The following LTBP4 variants were observed in gnomAD, a reference collection of about 807,000 sequenced individuals.
LTBP4 encodes latent-transforming growth factor beta-binding protein 4.
A neutral mutation model predicts 180.2 loss-of-function variants in LTBP4; 93 were observed. The ratio of observed to expected loss-of-function variants is 0.52; its 90% confidence interval spans 0.44 to 0.61. The LOEUF (loss-of-function observed/expected upper bound fraction) is 0.61. Among genes scored for constraint, LTBP4 ranks in the 20% least tolerant of loss-of-function variants. LTBP4 has a pLI of 0.00. For missense variants in LTBP4, 2,116 were observed against 2,256.5 expected (o/e 0.94, Z 1.26); for synonymous variants, 947 against 934.5 (o/e 1.01, Z -0.24).
chr19:40,614,970 G>C (rs904395601), intron 19 of LTBP4, among the ~76,000 whole-genome samples: 1 of 152,070 alleles, frequency 6.6e-6, no homozygotes, highest in Non-Finnish European at 1.5e-5. Context: ...GCCCTTCCTT[G>C]GTCTCTCTAG....
chr19:40,602,637 G>A (rs888334008), intron 1 of LTBP4, among the ~76,000 whole-genome samples: 3 of 152,164 alleles, frequency 2.0e-5, no homozygotes, highest in East Asian at 1.9e-4. Flanking sequence ...TGTGCCAGGC[G>A]CCATGCCCAG....
chr19:40,604,439 A>C (rs544657147), intron 1 of LTBP4, among the ~76,000 whole-genome samples: 1 of 152,160 alleles, frequency 6.6e-6, no homozygotes, highest in Non-Finnish European at 1.5e-5. Context: ...GGGCTGGAAC[A>C]GCAAAGGGTT....
chr19:40,593,279 G>T, intron 1 of LTBP4: 1 of 1,458,824 alleles, frequency 6.9e-7, no homozygotes, highest in African/African-American at 1.4e-5. Context: ...GTCTTGCTTT[G>T]TTGCCCGGGC....
Position 40,605,849 on chromosome 19 carries a change from C to T in LTBP4, c.793+18C>T, listed in dbSNP as rs2081457419. 1.3e-6 allele frequency: 2 copies of T among 1,535,052 alleles called. No homozygotes were observed. Among genetic ancestry groups the T allele is most frequent in the Non-Finnish European group, 1.7e-6 (2 of 1,145,894 alleles). ...GCGCCTGGGTAAGCCCCAGGACGTC[C>T]CCGAAGTGCTCGGAGCTGGGGAGTG... On this transcript the variant is annotated intron_variant, in intron 4 of 29. Coordinates refer to ENST00000396819, the MANE Select transcript of LTBP4 (RefSeq NM_001042545.2). The surrounding 1 kb of genome is among the most constrained non-coding windows in gnomAD (Gnocchi z 5.5).
Position 40,611,933 on chromosome 19 carries a change from T to G in LTBP4, c.2128T>G (p.Cys710Gly), listed in dbSNP as rs2081509626. ...TGAGAACACAGAAGGCAGCTTCCAG[T>G]GTGTCTGCCCCATGGGCTTCCAACC... ...RCENTEGSFQCVCPMGFQPNT... is the reference protein window; with the variant it reads ...RCENTEGSFQGVCPMGFQPNT... Residue 710 changes from cysteine (C) to glycine (G), a missense_variant, in exon 14 of 30, where the codon TGT (cysteine) becomes GGT (glycine). By Grantham distance (159) the Cys-to-Gly change is radical. This residue lies in a region of LTBP4 where 877 missense variants were observed against 873.6 expected (regional missense o/e 1.00). Transcript: ENST00000396819. This position sits in a 1 kb window ranked among gnomAD's most constrained non-coding sequence, Gnocchi z 4.4. 6.2e-7 allele frequency: 1 copy of G among 1,610,578 alleles called. No individual in the cohort carries two copies. The highest frequency in any genetic ancestry group is 1.3e-5 in the African/African-American group (1 of 74,752).
intron 26 of LTBP4, among the ~76,000 whole-genome samples, chr19:40,625,294 A>T (rs1205084782): frequency 0.042 from 353 of 8,328 alleles, 57 homozygotes; most frequent in African/African-American, 0.083. Context: ...ATATATATAT[A>T]TATATATATA....
At position 40,611,394 on chromosome 19, in the gene LTBP4, G is replaced by A. The variant is rs34093919; in HGVS notation, c.2053G>A (p.Asp685Asn). ...RSRGPGAPCQ[D>N]VDECARSPPP... is the part of the protein sequence containing the mutation. ...CCGAGGGCCCGGGGCCCCCTGCCAAGGTGAGGGTGCTGAGCCCAGCCCTAC... is the reference window on the plus strand; with the variant it reads ...CCGAGGGCCCGGGGCCCCCTGCCAAAGTGAGGGTGCTGAGCCCAGCCCTAC... Residue 685 changes from aspartate to asparagine, a missense_variant and splice_region_variant, in exon 13 of 30, where the codon GAT becomes AAT. Around this residue, in one of 5 missense-constraint regions of LTBP4, gnomAD observed 877 missense variants for 873.6 expected, o/e 1.00. Transcript: ENST00000396819. This position sits in a 1 kb window ranked among gnomAD's most constrained non-coding sequence, Gnocchi z 4.4. The A allele has an allele frequency of 0.01, 16,128 of 1,603,676 alleles. 130 individuals carry two copies. The highest frequency in any genetic ancestry group is 0.012 in the Non-Finnish European group (14,089 of 1,177,246).
chr19:40,613,758 C>T lies in LTBP4; in HGVS notation c.2558-158C>T. The T allele has an allele frequency of 1.5e-6, 2 of 1,299,160 alleles. No individual in the cohort carries two copies. Among genetic ancestry groups the T allele is most frequent in the Middle Eastern group, 2.1e-4 (1 of 4,666 alleles). 80.5% of individuals were successfully genotyped at this position (1,299,160 alleles called of 1,614,324 possible). ...GTGATTGTAAAGAAGCTGTTCTAAA[C>T]CCGTCGGGGGGCGGTGTTTGCAGGG... On this transcript the variant is annotated intron_variant, in intron 17 of 29. Coordinates refer to ENST00000396819, the MANE Select transcript of LTBP4 (RefSeq NM_001042545.2). The surrounding 1 kb of genome is among the most constrained non-coding windows in gnomAD (Gnocchi z 5.0).
upstream of LTBP4, chr19:40,601,327 G>A: frequency 1.0e-6 from 1 of 980,476 alleles, no homozygotes; most frequent in Non-Finnish European, 1.2e-6. Context: ...GGGCGGGCGG[G>A]TGCGGCCGGG....
intron 22 of LTBP4, among the ~76,000 whole-genome samples, 180 bp downstream of exon 22, chr19:40,619,673 T>G (rs1159579269): frequency 2.0e-5 from 3 of 152,252 alleles, no homozygotes; most frequent in South Asian, 2.1e-4. Flanking sequence ...ACCCTGGTCC[T>G]GACTCTACCA....
chr19:40,621,232 C>T (rs1397810340), intron 22 of LTBP4, among the ~76,000 whole-genome samples: 2 of 151,930 alleles, frequency 1.3e-5, no homozygotes, highest in Non-Finnish European at 2.9e-5. Flanking sequence ...CGTGAGCCAC[C>T]ATGCTCGGCC....
In LTBP4 at chr19:40,609,408, T is replaced by C. The variant is rs2146026459; in HGVS notation, c.1427-122T>C. ...ATGGAGATCAGAAGAAGACTGGGCT[T>C]GCTTGGGGAGGAGACATCCATGAAG... On this transcript the variant is annotated intron_variant, in intron 9 of 29. Coordinates refer to ENST00000396819, the MANE Select transcript of LTBP4 (RefSeq NM_001042545.2). The surrounding 1 kb of genome is among the most constrained non-coding windows in gnomAD (Gnocchi z 4.9). The C allele has an allele frequency of 1.6e-6, 2 of 1,271,226 alleles. No individual in the cohort carries two copies. Among genetic ancestry groups the C allele is most frequent in the East Asian group, 4.7e-5 (2 of 42,498 alleles). The allele number at this position is 1,271,226 out of a possible 1,614,324, so 78.7% of individuals were successfully genotyped here. A position where few individuals can be genotyped will look rare whatever the true frequency, so the allele number is the denominator to read the frequency against.
chr19:40,629,633 G>A lies in LTBP4; in HGVS notation c.*83G>A. 1 of 1,266,508 alleles carries A rather than the reference G, an allele frequency of 7.9e-7. No homozygotes were observed. Among genetic ancestry groups the A allele is most frequent in the Non-Finnish European group, 1.0e-6 (1 of 996,804 alleles). 78.5% of individuals were successfully genotyped at this position (1,266,508 alleles called of 1,614,324 possible). On this transcript the variant is annotated 3_prime_UTR_variant, in exon 30 of 30. Coordinates refer to ENST00000396819, the MANE Select transcript of LTBP4 (RefSeq NM_001042545.2). The surrounding 1 kb of genome is among the most constrained non-coding windows in gnomAD (Gnocchi z 4.5). ...TCCTGCAGCCCGCTTATGCGTATGTGCACGGGGCCGCCCGCCTGGACCTGG... is the reference window on the plus strand; with the variant it reads ...TCCTGCAGCCCGCTTATGCGTATGTACACGGGGCCGCCCGCCTGGACCTGG...
chr19:40,608,156 T>C, intron 7 of LTBP4, 64 bp from the exon 8 acceptor site: 1 of 1,580,324 alleles, frequency 6.3e-7, no homozygotes, highest in Non-Finnish European at 8.7e-7. Context: ...GGCCAGAGTC[T>C]GGGCTGGCCA....
At chr19:40,623,236 G>A (rs907213885) in intron 24 of LTBP4, among the ~76,000 whole-genome samples, 1 of 149,788 alleles carries the variant, frequency 6.7e-6, no homozygotes, top group Non-Finnish European at 1.5e-5. Flanking sequence ...GAGCAATGGC[G>A]AGATCTTGGC....
At chr19:40,597,428 G>A, upstream of LTBP4, 2 of 1,425,582 alleles carry the variant, frequency 1.4e-6, no homozygotes, top group Non-Finnish European at 1.8e-6. Flanking sequence ...AAGTCTGGTG[G>A]TCCAGGAGGA....
chr19:40,609,949 C>A lies in LTBP4; in HGVS notation c.1684+78C>A. The A allele has an allele frequency of 6.9e-7, 1 of 1,442,392 alleles. No individual in the cohort carries two copies. Among genetic ancestry groups the A allele is most frequent in the Admixed American group, 2.6e-5 (1 of 38,544 alleles). The allele number at this position is 1,442,392 out of a possible 1,614,324, so 89.3% of individuals were successfully genotyped here. On this transcript the variant is annotated intron_variant, in intron 11 of 29. Coordinates refer to ENST00000396819, the MANE Select transcript of LTBP4 (RefSeq NM_001042545.2). The surrounding 1 kb of genome is among the most constrained non-coding windows in gnomAD (Gnocchi z 4.9). The stretch of plus-strand genomic sequence containing the variant: ...CTCTCACTCCAGAGCCTCTCCAGCC[C>A]TCCCACGCTTCCCCTCTCGGGTCCC...
chr19:40,596,419 G>GGA (rs2146008686), upstream of LTBP4, among the ~76,000 whole-genome samples: 1 of 152,230 alleles, frequency 6.6e-6, no homozygotes, highest in Admixed American at 6.5e-5. Context: ...GCTGCTCTTG[G>GGA]GAGCATTCAA....
At chr19:40,620,527 GCT>G (rs1315964488) in intron 22 of LTBP4, among the ~76,000 whole-genome samples, 1 of 151,616 alleles carries the variant, frequency 6.6e-6, no homozygotes, top group African/African-American at 2.4e-5. Flanking sequence ...CATAATCCCA[GCT>G]CTCTGGGAGG....
Sources: allele counts gnomAD v4.1 joint callset (sites outside exome capture counted in the v4.1 genomes callset), GRCh38; gene constraint gnomAD v4.1.1; regional missense constraint gnomAD v4.1.1; non-coding constraint Gnocchi (gnomAD v3.1); transcripts MANE v1.5; gene names NCBI Gene and HGNC (gene_info 2026-07-23, HGNC 2026-07-21).